Variants in TNS3 observed in about 807,000 individuals in gnomAD.
The protein encoded by TNS3 is tensin 3.
In TNS3, 45 loss-of-function variants were observed where a neutral mutation model predicts 140.9. That is an observed-to-expected ratio of 0.32 (90% confidence interval 0.25 to 0.41). The LOEUF (loss-of-function observed/expected upper bound fraction) is 0.41. Ranked by LOEUF, TNS3 falls within the 10% of genes least tolerant of loss-of-function variation. The pLI is 1.00. For synonymous variants in TNS3, 815 were observed against 788.4 expected, an observed-to-expected ratio of 1.03 and a Z score of -0.56; for missense variants, 1,716 against 1,906.7, an observed-to-expected ratio of 0.90 and a Z score of 1.86.
chr7:47,330,294 C>T (rs1190701290), intron 20 of TNS3, among the ~76,000 whole-genome samples: 1 of 152,210 alleles, frequency 6.6e-6, no homozygotes, highest in East Asian at 1.9e-4. Flanking sequence ...CAGGTCTCCT[C>T]TCAGAAACAC....
intron 16 of TNS3, among the ~76,000 whole-genome samples, chr7:47,376,707 G>A (rs1249079562): frequency 4.1e-5 from 4 of 97,782 alleles, no homozygotes; most frequent in Non-Finnish European, 9.5e-5. Flanking sequence ...ATATTTCACA[G>A]ATCAACTATC....
chr7:47,416,090 C>T (rs1794066557), intron 10 of TNS3, among the ~76,000 whole-genome samples: 1 of 152,254 alleles, frequency 6.6e-6, no homozygotes. Context: ...TCCACTGTAG[C>T]CTCAACACCT....
At chr7:47,425,449 G>C (rs1409697912) in intron 9 of TNS3, among the ~76,000 whole-genome samples, 1 of 152,126 alleles carries the variant, frequency 6.6e-6, no homozygotes, top group Non-Finnish European at 1.5e-5. Context: ...AGAGAGACAG[G>C]CAGGAGGAAA....
At chr7:47,340,415 C>T (rs1005404523) in intron 20 of TNS3, among the ~76,000 whole-genome samples, 2 of 151,558 alleles carry the variant, frequency 1.3e-5, no homozygotes, top group Non-Finnish European at 1.5e-5. Context: ...GCTACTCCGC[C>T]GGGCTGTGAC....
At chr7:47,358,286 T>C (rs1168793032) in intron 17 of TNS3, among the ~76,000 whole-genome samples, 1 of 152,100 alleles carries the variant, frequency 6.6e-6, no homozygotes, top group Non-Finnish European at 1.5e-5. Context: ...TACAGGCACG[T>C]GCCACCATGC....
intron 20 of TNS3, among the ~76,000 whole-genome samples, chr7:47,315,216 T>G (rs2150797292): frequency 6.6e-6 from 1 of 152,306 alleles, no homozygotes; most frequent in South Asian, 2.1e-4. Flanking sequence ...CCTTTGCTGC[T>G]CAGACCCAGA....
intron 17 of TNS3, among the ~76,000 whole-genome samples, chr7:47,361,277 A>G (rs1477986910): frequency 1.4e-5 from 2 of 145,586 alleles, no homozygotes; most frequent in African/African-American, 2.5e-5. Context: ...CTCAGGGAAG[A>G]GCCACACTCC....
chr7:47,450,082 A>G (rs1186559186), intron 4 of TNS3, among the ~76,000 whole-genome samples: 1 of 152,232 alleles, frequency 6.6e-6, no homozygotes, highest in Middle Eastern at 3.2e-3. Flanking sequence ...CCAGCACAGC[A>G]GTCTGTAGAA....
intron 20 of TNS3, among the ~76,000 whole-genome samples, chr7:47,341,898 T>C (rs1562612933): frequency 6.6e-6 from 1 of 152,138 alleles, no homozygotes; most frequent in Non-Finnish European, 1.5e-5. Context: ...CTCACAATTT[T>C]TGATATTTTA....
At chr7:47,305,915 G>GA (rs1356178174) in intron 20 of TNS3, among the ~76,000 whole-genome samples, 3 of 151,964 alleles carry the variant, frequency 2.0e-5, no homozygotes, top group Admixed American at 1.3e-4. Context: ...TATTAATGTA[G>GA]AAAAAAACTC....
At chr7:47,297,790 T>G (rs944494923) in intron 23 of TNS3, among the ~76,000 whole-genome samples, 1 of 149,634 alleles carries the variant, frequency 6.7e-6, no homozygotes, top group Admixed American at 6.6e-5. Context: ...AAGAAGTTTT[T>G]TTTTTTTTTT....
At chr7:47,368,082 G>A (rs749381964) in intron 17 of TNS3, among the ~76,000 whole-genome samples, 12 of 152,178 alleles carry the variant, frequency 7.9e-5, no homozygotes, top group African/African-American at 1.4e-4. Context: ...AGGCATGACC[G>A]GCCCTTTCCA....
intron 17 of TNS3, among the ~76,000 whole-genome samples, chr7:47,351,348 A>G (rs1789660153): frequency 6.6e-6 from 1 of 152,160 alleles, no homozygotes; most frequent in African/African-American, 2.4e-5. Flanking sequence ...TGGAAGTGAC[A>G]TTCTCATTTA....
At chr7:47,308,935 C>T (rs574608699) in intron 20 of TNS3, among the ~76,000 whole-genome samples, 1 of 152,334 alleles carries the variant, frequency 6.6e-6, no homozygotes, top group African/African-American at 2.4e-5. Flanking sequence ...TCTCCAACAG[C>T]TCTCTCTCTG....
At chr7:47,552,587 T>A (rs1800092981) in intron 1 of TNS3, among the ~76,000 whole-genome samples, 1 of 152,228 alleles carries the variant, frequency 6.6e-6, no homozygotes, top group African/African-American at 2.4e-5. Flanking sequence ...TGCTCTTTGA[T>A]GTTACTATTG....
At chr7:47,399,124 G>A (rs943216338) in intron 15 of TNS3, among the ~76,000 whole-genome samples, 1 of 138,260 alleles carries the variant, frequency 7.2e-6, no homozygotes, top group Non-Finnish European at 1.6e-5. Context: ...TAATCAAAAC[G>A]TGAAAGATCC....
intron 30 of TNS3, chr7:47,278,505 C>T (rs748230857): frequency 1.4e-5 from 5 of 359,392 alleles, no homozygotes; most frequent in East Asian, 5.1e-5. Flanking sequence ...AAAGCTGAGG[C>T]TCAACTTCCT....
chr7:47,291,065 A>G (rs1488839778), intron 27 of TNS3, among the ~76,000 whole-genome samples: 4 of 152,248 alleles, frequency 2.6e-5, no homozygotes, highest in Non-Finnish European at 5.9e-5. Context: ...ACTAAGTGAA[A>G]GGAGCCAACC....
chr7:47,356,855 T>A (rs1790021411), intron 17 of TNS3, among the ~76,000 whole-genome samples: 1 of 151,592 alleles, frequency 6.6e-6, no homozygotes, highest in South Asian at 2.1e-4. Context: ...GGAGGGTGGA[T>A]CTTTTGAGCC....
Sources: gnomAD v4.1 joint callset for allele counts (sites outside exome capture counted in the v4.1 genomes callset) on GRCh38, gnomAD v4.1.1 for gene constraint, MANE v1.5 for transcripts, NCBI Gene and HGNC (gene_info 2026-07-23, HGNC 2026-07-21) for gene names.